GRM5: variants seen among roughly 807,000 people sequenced by gnomAD.
GRM5 encodes the protein glutamate metabotropic receptor 5.
Under a neutral mutation model 83.1 loss-of-function variants are expected in GRM5, and 19 were observed. The observed-to-expected ratio is 0.23, with a 90% CI of 0.16 to 0.34. GRM5 has a LOEUF of 0.34. Among genes scored for constraint, GRM5 ranks in the 10% least tolerant of loss-of-function variants. The pLI is 1.00. For synonymous variants in GRM5, 675 were observed against 633.6 expected (o/e 1.07, Z -0.98); for missense variants, 1,160 against 1,588.3 (o/e 0.73, Z 4.58).
At chr11:88,512,634 A>T in intron 9 of GRM5, among the ~76,000 whole-genome samples, 1 of 152,280 alleles carries the variant, frequency 6.6e-6, no homozygotes, top group Non-Finnish European at 1.5e-5. Flanking sequence ...TCCGGTTCTT[A>T]TTCTGGATCT....
At chr11:88,714,945 A>ATATT (rs1174368573) in intron 3 of GRM5, among the ~76,000 whole-genome samples, 6 of 152,012 alleles carry the variant, frequency 3.9e-5, no homozygotes, top group Non-Finnish European at 8.8e-5. Context: ...GAATTAGAAT[A>ATATT]TATTTTCAAA....
At chr11:89,032,820 G>A (rs964631555) in intron 2 of GRM5, among the ~76,000 whole-genome samples, 1 of 152,020 alleles carries the variant, frequency 6.6e-6, no homozygotes, top group South Asian at 2.1e-4. Flanking sequence ...ACTACTCAGA[G>A]CTCCCACTGT....
At chr11:88,910,028 C>G (rs531036342) in intron 2 of GRM5, among the ~76,000 whole-genome samples, 3 of 152,162 alleles carry the variant, frequency 2.0e-5, no homozygotes, top group African/African-American at 7.2e-5. Flanking sequence ...TCCAAAATCA[C>G]TTCACCTCAG....
chr11:89,049,982 T>C (rs1941724473), intron 1 of GRM5, among the ~76,000 whole-genome samples: 1 of 152,200 alleles, frequency 6.6e-6, no homozygotes, highest in African/African-American at 2.4e-5. Context: ...AATCAGAATG[T>C]TAGCGAGTGA....
intron 7 of GRM5, among the ~76,000 whole-genome samples, chr11:88,586,845 C>G (rs1943325094): frequency 6.6e-6 from 1 of 152,152 alleles, no homozygotes; most frequent in South Asian, 2.1e-4. Context: ...TGCACCTAGC[C>G]AGAGACAAAT....
At chr11:88,919,084 AT>A (rs1945643602) in intron 2 of GRM5, among the ~76,000 whole-genome samples, 1 of 150,004 alleles carries the variant, frequency 6.7e-6, no homozygotes, top group African/African-American at 2.4e-5. Context: ...AAACACTCCA[AT>A]AAAAAAAATA....
intron 2 of GRM5, among the ~76,000 whole-genome samples, chr11:89,046,640 A>G (rs913682686): frequency 6.6e-6 from 1 of 152,210 alleles, no homozygotes; most frequent in African/African-American, 2.4e-5. Flanking sequence ...CTTCTCAAAT[A>G]TGTTCTATAC....
At chr11:89,056,150 TC>T (rs1941869122) in intron 1 of GRM5, among the ~76,000 whole-genome samples, 1 of 152,224 alleles carries the variant, frequency 6.6e-6, no homozygotes, top group African/African-American at 2.4e-5. Flanking sequence ...TTTGAAAGTA[TC>T]TTTGTAGCAC....
chr11:88,699,283 A>T (rs539330646), intron 3 of GRM5, among the ~76,000 whole-genome samples: 36 of 152,260 alleles, frequency 2.4e-4, no homozygotes, highest in South Asian at 1.2e-3. Flanking sequence ...GCATTTTTTA[A>T]AAAAAGCATA....
chr11:88,527,296 T>C (rs1420318280), intron 8 of GRM5, among the ~76,000 whole-genome samples: 1 of 152,208 alleles, frequency 6.6e-6, no homozygotes, highest in Non-Finnish European at 1.5e-5. Context: ...GAATTAATCA[T>C]TAAATATTTC....
At chr11:88,810,802 T>C (rs955091031) in intron 3 of GRM5, among the ~76,000 whole-genome samples, 1 of 152,144 alleles carries the variant, frequency 6.6e-6, no homozygotes, top group Non-Finnish European at 1.5e-5. Flanking sequence ...GAGTTTTGTT[T>C]AATCTATTTA....
At chr11:88,998,335 T>C (rs763481412) in intron 2 of GRM5, among the ~76,000 whole-genome samples, 4 of 152,106 alleles carry the variant, frequency 2.6e-5, no homozygotes, top group Admixed American at 6.6e-5. Flanking sequence ...ATCATATCAA[T>C]GAACGCAGAG....
rs371939089 is a variant in GRM5, at chr11:89,065,320, GGAGA to G, written c.-201+452_-201+455del. Among the ~76,000 whole-genome samples the G allele has an allele frequency of 1.6e-4, 23 of 144,642 alleles. No homozygotes were observed. The East Asian group carries it at 4.5e-3, about 28-fold the overall frequency. 94.9% of individuals were successfully genotyped at this position (144,642 alleles called of 152,430 possible). On this transcript the variant is annotated intron_variant, in intron 1 of 9. Coordinates refer to ENST00000305447, the MANE Select transcript of GRM5 (RefSeq NM_001143831.3). The stretch of plus-strand genomic sequence containing the variant: ...CACACACACACACACACAGACAGAG[GGAGA>G]GAGAGAGAGACAGACACACAGAGAG...
At chr11:88,611,653 CA>C (rs1437506760) in intron 4 of GRM5, among the ~76,000 whole-genome samples, 32 of 152,056 alleles carry the variant, frequency 2.1e-4, no homozygotes, top group Admixed American at 2.1e-3. Context: ...TTTAATCTTT[CA>C]AAAAACCAAC....
At chr11:88,688,193 C>G (rs1256043869) in intron 3 of GRM5, among the ~76,000 whole-genome samples, 1 of 152,100 alleles carries the variant, frequency 6.6e-6, no homozygotes, top group Non-Finnish European at 1.5e-5. Flanking sequence ...GATGTAAATA[C>G]TAAATATTTA....
intron 2 of GRM5, among the ~76,000 whole-genome samples, chr11:89,001,006 T>C (rs1940358905): frequency 6.6e-6 from 1 of 151,744 alleles, no homozygotes; most frequent in Non-Finnish European, 1.5e-5. Flanking sequence ...GAGATAGCAC[T>C]ATACCCTTAG....
chr11:88,975,121 A>G lies in GRM5; in HGVS notation c.661+72091T>C, dbSNP rs12799213. On this transcript the variant is annotated intron_variant, in intron 2 of 9. Coordinates refer to ENST00000305447, the MANE Select transcript of GRM5 (RefSeq NM_001143831.3). ...ATTAAGAGAAGTTAGAACAAGAGAT[A>G]TAAGTTTGGTATTCTTCTGCAGGTA... 1.4e-4 allele frequency among the ~76,000 whole-genome samples: 22 copies of G among 152,226 alleles called. 1 individual carries two copies. The highest frequency in any genetic ancestry group is 5.1e-4 in the African/African-American group (21 of 41,470).
intron 3 of GRM5, among the ~76,000 whole-genome samples, chr11:88,779,668 C>T (rs1942935129): frequency 6.6e-6 from 1 of 152,166 alleles, no homozygotes; most frequent in South Asian, 2.1e-4. Flanking sequence ...GGAGATTCAT[C>T]ACCCTTGGAG....
At chr11:88,977,358 G>A (rs749145740) in intron 2 of GRM5, among the ~76,000 whole-genome samples, 34 of 151,776 alleles carry the variant, frequency 2.2e-4, no homozygotes, top group Non-Finnish European at 3.4e-4. Context: ...GACCACAGGC[G>A]CCCGCCACCA....
Sources: gnomAD v4.1 joint callset for allele counts (sites outside exome capture counted in the v4.1 genomes callset) on GRCh38, gnomAD v4.1.1 for gene constraint, MANE v1.5 for transcripts, NCBI Gene and HGNC (gene_info 2026-07-23, HGNC 2026-07-21) for gene names.